Variants in FAM217B observed in about 807,000 individuals in gnomAD.
The protein encoded by FAM217B is protein FAM217B.
For missense variants in FAM217B, 463 were observed against 456.9 expected, an observed-to-expected ratio of 1.01 and a Z score of -0.12; for synonymous variants, 163 against 173.0, an observed-to-expected ratio of 0.94 and a Z score of 0.45.
At chr20:59,935,878 T>C (rs1408017887), upstream of FAM217B, among the ~76,000 whole-genome samples, 1 of 152,238 alleles carries the variant, frequency 6.6e-6, no homozygotes, top group Non-Finnish European at 1.5e-5. Context: ...AGAGAGAGCA[T>C]TGACTTTGAA....
At position 59,945,465 on chromosome 20, in the gene FAM217B, C is replaced by T. The variant is rs569063597; in HGVS notation, c.*370C>T. On this transcript the variant is annotated 3_prime_UTR_variant, in exon 4 of 4. Transcript: ENST00000360816. ...TGTTACCTCCCCATTTTCACATGCA[C>T]GTAAGTATATGAAATAGTGCAGACT... is the stretch of plus-strand genomic sequence containing the variant. 2.0e-4 allele frequency: 39 copies of T among 195,932 alleles called. No homozygotes were observed. The East Asian group carries it at 5.5e-3, about 28-fold the overall frequency. 12.1% of individuals were successfully genotyped at this position (195,932 alleles called of 1,614,324 possible). A position where few individuals can be genotyped will look rare whatever the true frequency, so the allele number is the denominator to read the frequency against.
At chr20:59,941,831 T>G (rs935614827) in intron 1 of FAM217B, among the ~76,000 whole-genome samples, 14 of 152,226 alleles carry the variant, frequency 9.2e-5, no homozygotes, top group African/African-American at 3.1e-4. Flanking sequence ...TTGAACGCTG[T>G]AATAAGACCT....
At position 59,945,087 on chromosome 20, in the gene FAM217B, C is replaced by T; in HGVS notation, c.1144C>T (p.Leu382=). ...TNGVKQNTYK[L]K ...CGGAGTAAAGCAAAACACATATAAA[C>T]TAAAATAAATATCTAAAATGCTGAA... The change falls in exon 4 of 4, where the codon CTA becomes TTA. Residue 382 remains leucine, a synonymous_variant. Coordinates refer to ENST00000360816, the MANE Select transcript of FAM217B (RefSeq NM_022106.3). The T allele has an allele frequency of 6.3e-7, 1 of 1,579,756 alleles. No homozygotes were observed. The highest frequency in any genetic ancestry group is 8.6e-7 in the Non-Finnish European group (1 of 1,167,102).
At chr20:59,935,313 G>A (rs1030406249) in intron 1 of FAM217B, among the ~76,000 whole-genome samples, 9 of 152,036 alleles carry the variant, frequency 5.9e-5, no homozygotes, top group Non-Finnish European at 1.3e-4. Flanking sequence ...AAAAATGTTA[G>A]TCTTTTTTAT....
At chr20:59,939,675 G>A (rs2060886947), upstream of FAM217B, 2 of 1,453,508 alleles carry the variant, frequency 1.4e-6, no homozygotes, top group South Asian at 1.4e-5. Context: ...CGGCGCGCCC[G>A]CGGCCTTCTG....
chr20:59,940,021 A>G, upstream of FAM217B: 3 of 1,116,896 alleles, frequency 2.7e-6, no homozygotes, highest in South Asian at 4.7e-5. Flanking sequence ...AGCCGCAGAG[A>G]GTCCACCGTA....
chr20:59,944,877 G>T lies in FAM217B; in HGVS notation c.934G>T (p.Gly312Ter). 6.2e-7 allele frequency: 1 copy of T among 1,614,158 alleles called. No homozygotes were observed. Among genetic ancestry groups the T allele is most frequent in the Non-Finnish European group, 8.5e-7 (1 of 1,180,026 alleles). The change falls in exon 4 of 4, where the codon GGA (glycine) becomes TGA (stop). Residue 312 changes from glycine to a stop codon, truncating the protein, a stop_gained. Transcript: ENST00000360816. LOFTEE classifies it low-confidence loss of function (END_TRUNC). Reference sequence around the variant, plus strand: ...GCAGCGCTGGGATCTGTCCGGCAGTGGAAGCAGCTCTAAGGTGGAAACCAG... The same window carrying T: ...GCAGCGCTGGGATCTGTCCGGCAGTTGAAGCAGCTCTAAGGTGGAAACCAG... Reference protein sequence around the residue: ...KLQRWDLSGSGSSSKVETSGH... With the variant: ...KLQRWDLSGS
chr20:59,942,712 T>G (rs1435433017), intron 3 of FAM217B, among the ~76,000 whole-genome samples, 200 bp downstream of exon 3: 1 of 152,144 alleles, frequency 6.6e-6, no homozygotes, highest in Admixed American at 6.5e-5. Context: ...ATTCTGGCAG[T>G]TGTTAGCAGA....
chr20:59,939,419 G>A, upstream of FAM217B: 1 of 1,611,144 alleles, frequency 6.2e-7, no homozygotes, highest in Non-Finnish European at 8.5e-7. Context: ...GCCGCTGCAG[G>A]CGCTCGCCAA....
chr20:59,944,732 A>G lies in FAM217B; in HGVS notation c.789A>G (p.Ala263=), dbSNP rs551903330. 8.1e-6 allele frequency: 13 copies of G among 1,614,210 alleles called. No homozygotes were observed. The South Asian group carries it at 1.3e-4, about 16-fold the overall frequency. The change falls in exon 4 of 4, where the codon GCA becomes GCG. Residue 263 remains alanine, a synonymous_variant. Transcript: ENST00000360816. ...AAGAAATCCACCCATCACATTATGC[A>G]TTTGAGACTTCCCCTAGACCCATTG... The part of the protein sequence containing the change: ...HHEEIHPSHY[A]FETSPRPIDV...
At position 59,945,271 on chromosome 20, in the gene FAM217B, G is replaced by A; in HGVS notation, c.*176G>A. 1 of 572,508 alleles carries A rather than the reference G, an allele frequency of 1.7e-6. No homozygotes were observed. The allele number at this position is 572,508 out of a possible 1,614,324, so 35.5% of individuals were successfully genotyped here. Reference sequence around the variant, plus strand: ...AGTGGGGTTATTTTCAAAGGGAAGTGTCTTTCAATAAGCCTTTCTTTGTAT... The same window carrying A: ...AGTGGGGTTATTTTCAAAGGGAAGTATCTTTCAATAAGCCTTTCTTTGTAT... On this transcript the variant is annotated 3_prime_UTR_variant, in exon 4 of 4. Coordinates refer to ENST00000360816, the MANE Select transcript of FAM217B (RefSeq NM_022106.3).
chr20:59,943,021 C>T (rs1052910501), intron 3 of FAM217B, among the ~76,000 whole-genome samples: 3 of 152,168 alleles, frequency 2.0e-5, no homozygotes, highest in African/African-American at 7.2e-5. Context: ...AAATGAACCT[C>T]TGAAGTTTCC....
intron 1 of FAM217B, among the ~76,000 whole-genome samples, chr20:59,941,176 T>C (rs909040230): frequency 6.6e-6 from 1 of 152,194 alleles, no homozygotes; most frequent in Non-Finnish European, 1.5e-5. Context: ...TGAAATGAAG[T>C]AGAAAAGATG....
upstream of FAM217B, chr20:59,939,404 G>A (rs1316159292): frequency 3.1e-6 from 5 of 1,610,502 alleles, no homozygotes; most frequent in East Asian, 2.2e-5. Context: ...CCAGGCACAC[G>A]AGCTGCCGCT....
At chr20:59,940,559 C>T (rs1408180399) in intron 1 of FAM217B, 24 bp downstream of exon 1, 1 of 152,272 alleles carries the variant, frequency 6.6e-6, no homozygotes, top group Non-Finnish European at 1.5e-5. Context: ...CTGTTTACGT[C>T]TGCCTGGATT....
At chr20:59,942,868 G>A (rs1157764211) in intron 3 of FAM217B, among the ~76,000 whole-genome samples, 1 of 152,116 alleles carries the variant, frequency 6.6e-6, no homozygotes, top group African/African-American at 2.4e-5. Context: ...TCTGAATAAT[G>A]GAGATTCCTT....
chr20:59,939,908 C>G, upstream of FAM217B: 1 of 1,254,942 alleles, frequency 8.0e-7, no homozygotes, highest in Non-Finnish European at 1.0e-6. Context: ...TAGGCAGGAC[C>G]GCGGAGCTCG....
chr20:59,944,986 C>G lies in FAM217B; in HGVS notation c.1043C>G (p.Ala348Gly). 2 of 1,614,136 alleles carry G rather than the reference C, an allele frequency of 1.2e-6. No homozygotes were observed. Among genetic ancestry groups the G allele is most frequent in the Non-Finnish European group, 8.5e-7 (1 of 1,180,026 alleles). Residue 348 changes from alanine (A) to glycine (G), a missense_variant, in exon 4 of 4, where the codon GCA becomes GGA. Ala to Gly is a moderately conservative substitution (Grantham distance 60). Transcript: ENST00000360816. ...SCKASKTQAH[A>G]HPRKKGKAES... ...AAGGCCTCCAAAACACAAGCACATG[C>G]ACATCCTAGGAAAAAGGGAAAGGCA...
rs2060937666 is a variant in FAM217B at position 59,946,440 on chromosome 20, G to C, written c.*1345G>C. 1 of 166,728 alleles carries C rather than the reference G, an allele frequency of 6.0e-6. No individual in the cohort carries two copies. Among genetic ancestry groups the C allele is most frequent in the African/African-American group, 2.4e-5 (1 of 41,344 alleles). The allele number at this position is 166,728 out of a possible 1,614,324, so 10.3% of individuals were successfully genotyped here. A position where few individuals can be genotyped will look rare whatever the true frequency, so the allele number is the denominator to read the frequency against. On this transcript the variant is annotated 3_prime_UTR_variant, in exon 4 of 4. Transcript: ENST00000360816. ...TTCATTTGGGAACATATAATAGCTTGTAAACTTTTCAGACAGCAGTAAATG... is the reference window on the plus strand; with the variant it reads ...TTCATTTGGGAACATATAATAGCTTCTAAACTTTTCAGACAGCAGTAAATG...
Sources: gnomAD v4.1 joint callset for allele counts (sites outside exome capture counted in the v4.1 genomes callset) on GRCh38, gnomAD v4.1.1 for gene constraint, MANE v1.5 for transcripts, NCBI Gene and HGNC (gene_info 2026-07-23, HGNC 2026-07-21) for gene names.